The following NEK7 variants were observed in gnomAD, a reference collection of about 807,000 sequenced individuals.
NEK7 encodes the protein serine/threonine-protein kinase Nek7.
Under a neutral mutation model 44.6 loss-of-function variants are expected in NEK7, and 18 were observed. The observed-to-expected ratio is 0.40, with a 90% CI of 0.28 to 0.60. NEK7 has a LOEUF of 0.60. Among genes scored for constraint, NEK7 ranks in the 20% least tolerant of loss-of-function variants. The pLI is 0.38. For synonymous variants in NEK7, 130 were observed against 121.1 expected (o/e 1.07, Z -0.48); for missense variants, 256 against 366.5 (o/e 0.70, Z 2.46).
chr1:198,234,206 C>A (rs1258436458), intron 2 of NEK7, among the ~76,000 whole-genome samples: 1 of 152,024 alleles, frequency 6.6e-6, no homozygotes, highest in Non-Finnish European at 1.5e-5. Flanking sequence ...CTTAATTGCA[C>A]TATTACATTG....
intron 1 of NEK7, among the ~76,000 whole-genome samples, chr1:198,197,079 T>C (rs763431135): frequency 2.0e-5 from 3 of 152,208 alleles, no homozygotes; most frequent in South Asian, 2.1e-4. Context: ...ATGAGAATTA[T>C]ATGAGGTATA....
intron 1 of NEK7, among the ~76,000 whole-genome samples, chr1:198,162,010 T>TC (rs746134094): frequency 6.1e-4 from 92 of 151,990 alleles, no homozygotes; most frequent in Non-Finnish European, 2.1e-4. Context: ...AAAAAGACTC[T>TC]CCCCCGCCCC....
rs1655480348 is a variant in NEK7 at position 198,319,623 on chromosome 1, C to T, written c.*101C>T. 10 of 1,339,152 alleles carry T rather than the reference C, an allele frequency of 7.5e-6. No individual in the cohort carries two copies. Among genetic ancestry groups the T allele is most frequent in the Non-Finnish European group, 9.7e-6 (10 of 1,032,522 alleles). 83.0% of individuals were successfully genotyped at this position (1,339,152 alleles called of 1,614,324 possible). On this transcript the variant is annotated 3_prime_UTR_variant, in exon 10 of 10. Coordinates refer to ENST00000367385, the MANE Select transcript of NEK7 (RefSeq NM_133494.3). ...TGGTGTTAAGATTAATATTTCAGAG[C>T]TAGTGTGCTTTGAATCCTTAACCAG... is the stretch of plus-strand genomic sequence containing the variant.
intron 1 of NEK7, among the ~76,000 whole-genome samples, chr1:198,219,309 T>C (rs1666018265): frequency 6.6e-6 from 1 of 150,396 alleles, no homozygotes; most frequent in African/African-American, 2.4e-5. Context: ...AAAATATGTG[T>C]ATATATATGT....
chr1:198,318,938 C>T (rs1290595571), intron 9 of NEK7, among the ~76,000 whole-genome samples: 1 of 151,832 alleles, frequency 6.6e-6, no homozygotes, highest in African/African-American at 2.4e-5. Flanking sequence ...CAAAATTTAA[C>T]ATAAAACTTT....
In NEK7 at chr1:198,226,273, G is replaced by A. The variant is rs138822067; in HGVS notation, c.-28-6280G>A. Among the ~76,000 whole-genome samples the A allele has an allele frequency of 4.1e-3, 629 of 152,224 alleles. 5 individuals carry two copies. Among genetic ancestry groups the A allele is most frequent in the African/African-American group, 0.014 (588 of 41,532 alleles). ...TAAGAACCCACTGAAGTCTGGGCGT[G>A]ATGGCTCACCCCTGTAATCCCAGCA... On this transcript the variant is annotated intron_variant, in intron 1 of 9. Coordinates refer to ENST00000367385, the MANE Select transcript of NEK7 (RefSeq NM_133494.3).
chr1:198,176,575 C>A (rs905049522), intron 1 of NEK7, among the ~76,000 whole-genome samples: 2 of 101,944 alleles, frequency 2.0e-5, no homozygotes, highest in African/African-American at 3.9e-5. Flanking sequence ...CATAGATTTT[C>A]ATCTTAGATT....
chr1:198,314,136 T>C (rs1299901042), intron 9 of NEK7, among the ~76,000 whole-genome samples: 2 of 152,174 alleles, frequency 1.3e-5, no homozygotes, highest in Non-Finnish European at 2.9e-5. Flanking sequence ...TCGTTTCTTT[T>C]TATTCTTTTT....
At chr1:198,300,721 G>A (rs978493306) in intron 9 of NEK7, among the ~76,000 whole-genome samples, 1 of 151,994 alleles carries the variant, frequency 6.6e-6, no homozygotes, top group Non-Finnish European at 1.5e-5. Context: ...GTAATTGATT[G>A]ATTGATTGAT....
chr1:198,200,073 A>G (rs1290397820), intron 1 of NEK7, among the ~76,000 whole-genome samples: 2 of 152,044 alleles, frequency 1.3e-5, no homozygotes, highest in African/African-American at 2.4e-5. Context: ...GCATTCATTC[A>G]TTCTATTGGT....
intron 3 of NEK7, among the ~76,000 whole-genome samples, chr1:198,258,905 C>T (rs973994958): frequency 5.3e-5 from 8 of 152,094 alleles, no homozygotes; most frequent in African/African-American, 1.4e-4. Context: ...ATGAAATCAT[C>T]GGACAGCTTT....
At chr1:198,219,439 G>A (rs1179562120) in intron 1 of NEK7, among the ~76,000 whole-genome samples, 2 of 151,460 alleles carry the variant, frequency 1.3e-5, no homozygotes, top group African/African-American at 4.8e-5. Context: ...TATTCTAAAT[G>A]AAGTAAATGA....
chr1:198,319,269 T>C, intron 9 of NEK7, 143 bp from the exon 10 acceptor site: 1 of 569,730 alleles, frequency 1.8e-6, no homozygotes, highest in South Asian at 2.3e-5. Flanking sequence ...AGCAGTCTTA[T>C]ATATATTTCT....
At chr1:198,309,911 C>T (rs1164326262) in intron 9 of NEK7, among the ~76,000 whole-genome samples, 1 of 152,136 alleles carries the variant, frequency 6.6e-6, no homozygotes, top group Non-Finnish European at 1.5e-5. Context: ...CATAAGTGTG[C>T]ATGTGTCTTT....
rs10801663 is a variant in NEK7 at position 198,315,447 on chromosome 1, T to C, written c.799-3965T>C. Among the ~76,000 whole-genome samples the C allele has an allele frequency of 7.1e-3, 1,080 of 152,346 alleles. 71 individuals are homozygous for C. In the East Asian group the frequency reaches 0.16, roughly 23 times the overall value. ...GACTGGAGCTGTTCCTATTCGGCCA[T>C]CTTGGCTCCTCCTCCCCATCTATGG... On this transcript the variant is annotated intron_variant, in intron 9 of 9. Coordinates refer to ENST00000367385, the MANE Select transcript of NEK7 (RefSeq NM_133494.3).
intron 5 of NEK7, among the ~76,000 whole-genome samples, chr1:198,270,094 C>A (rs1488577293): frequency 1.2e-4 from 18 of 151,746 alleles, no homozygotes; most frequent in Admixed American, 1.2e-3. Flanking sequence ...GTGATGAAGA[C>A]CCAGTGTAGA....
chr1:198,217,664 A>G (rs996184859), intron 1 of NEK7, among the ~76,000 whole-genome samples: 1 of 152,076 alleles, frequency 6.6e-6, no homozygotes, highest in African/African-American at 2.4e-5. Context: ...TATGCTGATT[A>G]TATGATCTTA....
chr1:198,275,238 G>A (rs1454133073), intron 5 of NEK7, among the ~76,000 whole-genome samples: 1 of 150,622 alleles, frequency 6.6e-6, no homozygotes, highest in Non-Finnish European at 1.5e-5. Context: ...TTATGTCCAA[G>A]TGATCAGGTA....
chr1:198,306,255 G>A (rs1571618791), intron 9 of NEK7, among the ~76,000 whole-genome samples: 1 of 152,082 alleles, frequency 6.6e-6, no homozygotes, highest in South Asian at 2.1e-4. Flanking sequence ...AAACCCTAGA[G>A]TTATCTCAGA....
Sources: gnomAD v4.1 joint callset for allele counts (sites outside exome capture counted in the v4.1 genomes callset) on GRCh38, gnomAD v4.1.1 for gene constraint, MANE v1.5 for transcripts, NCBI Gene and HGNC (gene_info 2026-07-23, HGNC 2026-07-21) for gene names.